Variants in GRID2 observed in about 807,000 individuals in gnomAD.
GRID2 encodes the protein glutamate receptor ionotropic, delta-2.
A neutral mutation model predicts 114.8 loss-of-function variants in GRID2; 33 were observed. The ratio of observed to expected loss-of-function variants is 0.29; its 90% confidence interval spans 0.22 to 0.38. GRID2 has a LOEUF of 0.38. Among genes scored for constraint, GRID2 ranks in the 10% least tolerant of loss-of-function variants. The pLI, the probability that GRID2 is intolerant of heterozygous loss-of-function variation, is 1.00. For missense variants in GRID2, 1,184 were observed against 1,257.7 expected, an observed-to-expected ratio of 0.94 and a Z score of 0.89; for synonymous variants, 505 against 449.9, an observed-to-expected ratio of 1.12 and a Z score of -1.55.
intron 10 of GRID2, among the ~76,000 whole-genome samples, chr4:93,423,336 CTTTTTTTTTTTTTTTTTTTTTTTT>C (rs554663844): frequency 2.7e-5 from 2 of 73,570 alleles, no homozygotes; most frequent in African/African-American, 1.1e-4. Context: ...TTTTTTCTTT[CTTTTTTTTTTTTTTTTTTTTTTTT>C]TTTTTGAGAC....
chr4:93,799,191 A>T (rs1427694446), intron 1 of GRID2, among the ~76,000 whole-genome samples: 1 of 152,216 alleles, frequency 6.6e-6, no homozygotes, highest in African/African-American at 2.4e-5. Flanking sequence ...AGTTTACTAT[A>T]AGTAAGTCAT....
chr4:92,356,976 C>A (rs1469397766), intron 1 of GRID2, among the ~76,000 whole-genome samples: 9 of 151,530 alleles, frequency 5.9e-5, no homozygotes, highest in Non-Finnish European at 1.0e-4. Context: ...AGCAAATTAC[C>A]AAATTATTAT....
At chr4:92,675,767 G>A (rs1733322689) in intron 2 of GRID2, among the ~76,000 whole-genome samples, 1 of 152,014 alleles carries the variant, frequency 6.6e-6, no homozygotes, top group East Asian at 2.0e-4. Context: ...TGTTAGCTAG[G>A]ATGGTTTCGA....
chr4:92,991,458 A>G (rs1409265717), intron 2 of GRID2, among the ~76,000 whole-genome samples: 1 of 152,234 alleles, frequency 6.6e-6, no homozygotes, highest in African/African-American at 2.4e-5. Context: ...GACGAAGTCC[A>G]CACCATAGAA....
intron 13 of GRID2, among the ~76,000 whole-genome samples, chr4:93,519,052 G>T (rs914790492): frequency 3.9e-5 from 6 of 152,066 alleles, no homozygotes; most frequent in Non-Finnish European, 8.8e-5. Flanking sequence ...AGACTCTTAT[G>T]CCCCTATCCC....
chr4:93,186,180 G>C (rs1470261150), intron 4 of GRID2, among the ~76,000 whole-genome samples: 1 of 152,102 alleles, frequency 6.6e-6, no homozygotes, highest in Non-Finnish European at 1.5e-5. Context: ...CCAAGTCTTT[G>C]CTATTGTGAA....
At chr4:92,463,200 TTC>T (rs374142949) in intron 1 of GRID2, among the ~76,000 whole-genome samples, 15 of 151,948 alleles carry the variant, frequency 9.9e-5, no homozygotes, top group African/African-American at 3.6e-4. Flanking sequence ...GTTTTTTAAT[TTC>T]TGTTTCAGAA....
At chr4:93,726,406 A>C (rs1416127468) in intron 14 of GRID2, among the ~76,000 whole-genome samples, 1 of 152,154 alleles carries the variant, frequency 6.6e-6, no homozygotes, top group East Asian at 1.9e-4. Flanking sequence ...TATAGTTTGA[A>C]GTCAGGTAGC....
At chr4:92,695,119 A>C (rs1734362993) in intron 2 of GRID2, among the ~76,000 whole-genome samples, 1 of 151,912 alleles carries the variant, frequency 6.6e-6, no homozygotes, top group Admixed American at 6.6e-5. Flanking sequence ...GGTGCACACT[A>C]CCACACCTAG....
At chr4:92,977,923 G>A (rs1401795211) in intron 2 of GRID2, among the ~76,000 whole-genome samples, 1 of 152,168 alleles carries the variant, frequency 6.6e-6, no homozygotes, top group African/African-American at 2.4e-5. Context: ...CACAGTATGT[G>A]AAGATGCTAG....
At chr4:92,518,755 T>C (rs1724629458) in intron 1 of GRID2, among the ~76,000 whole-genome samples, 2 of 151,906 alleles carry the variant, frequency 1.3e-5, no homozygotes, top group Non-Finnish European at 2.9e-5. Context: ...TAAGAAATAG[T>C]TTATTCCTTT....
intron 6 of GRID2, among the ~76,000 whole-genome samples, chr4:93,219,939 G>T (rs1024894022): frequency 1.3e-5 from 2 of 152,126 alleles, no homozygotes; most frequent in African/African-American, 4.8e-5. Flanking sequence ...TAGGGGCACT[G>T]CTTTGAATTA....
intron 14 of GRID2, among the ~76,000 whole-genome samples, chr4:93,739,979 AT>A (rs575431760): frequency 1.1e-4 from 17 of 152,246 alleles, no homozygotes; most frequent in African/African-American, 4.1e-4. Flanking sequence ...TGAAAGACAA[AT>A]TTTAAGTTAC....
At chr4:92,982,195 C>T (rs574466079) in intron 2 of GRID2, among the ~76,000 whole-genome samples, 1 of 151,694 alleles carries the variant, frequency 6.6e-6, no homozygotes, top group African/African-American at 2.4e-5. Flanking sequence ...AAAAAGGATG[C>T]GGCTAATTTC....
chr4:92,623,772 A>G (rs1311050221), intron 2 of GRID2, among the ~76,000 whole-genome samples: 2 of 151,854 alleles, frequency 1.3e-5, no homozygotes, highest in East Asian at 1.9e-4. Flanking sequence ...AGGCAGAACC[A>G]TTGAGTTGGA....
At chr4:93,042,208 A>G (rs1725585134) in intron 2 of GRID2, among the ~76,000 whole-genome samples, 1 of 151,156 alleles carries the variant, frequency 6.6e-6, no homozygotes, top group African/African-American at 2.4e-5. Context: ...CGGCCGAAAT[A>G]TACATCTTAA....
chr4:93,696,946 C>T (rs1217114908), intron 14 of GRID2, among the ~76,000 whole-genome samples: 3 of 152,116 alleles, frequency 2.0e-5, no homozygotes, highest in African/African-American at 7.2e-5. Flanking sequence ...AGATATTCAA[C>T]AATGGATTTT....
At chr4:92,964,898 C>T (rs774845965) in intron 2 of GRID2, among the ~76,000 whole-genome samples, 6 of 151,996 alleles carry the variant, frequency 3.9e-5, no homozygotes, top group African/African-American at 1.2e-4. Context: ...TCTCACCATC[C>T]GTGTGTTCAC....
At chr4:92,803,066 G>A (rs1488037146) in intron 2 of GRID2, among the ~76,000 whole-genome samples, 1 of 151,840 alleles carries the variant, frequency 6.6e-6, no homozygotes, top group Admixed American at 6.6e-5. Context: ...GTAATATCAG[G>A]ATATTTTTTG....
Sources: allele counts gnomAD v4.1 joint callset (sites outside exome capture counted in the v4.1 genomes callset), GRCh38; gene constraint gnomAD v4.1.1; transcripts MANE v1.5; gene names NCBI Gene and HGNC (gene_info 2026-07-23, HGNC 2026-07-21).